The following ARHGAP10 variants were observed in gnomAD, a reference collection of about 807,000 sequenced individuals.
ARHGAP10 encodes the protein Rho GTPase activating protein 10.
In ARHGAP10, 87 loss-of-function variants were observed where a neutral mutation model predicts 108.6. The ratio of observed to expected loss-of-function variants is 0.80; its 90% CI spans 0.67 to 0.96. The LOEUF (loss-of-function observed/expected upper bound fraction) is 0.96. Ranked by LOEUF, ARHGAP10 falls within the 40% of genes least tolerant of loss-of-function variation. The pLI is 0.00. For missense variants in ARHGAP10, 939 were observed against 954.5 expected, an observed-to-expected ratio of 0.98 and a Z score of 0.21; for synonymous variants, 347 against 341.1, an observed-to-expected ratio of 1.02 and a Z score of -0.19.
At chr4:147,801,163 A>G (rs777166645) in intron 1 of ARHGAP10, among the ~76,000 whole-genome samples, 1 of 152,194 alleles carries the variant, frequency 6.6e-6, no homozygotes, top group Non-Finnish European at 1.5e-5. Context: ...AGCAAAATTT[A>G]GCATTTATTT....
At chr4:147,969,627 C>T (rs774927583) in intron 18 of ARHGAP10, among the ~76,000 whole-genome samples, 2 of 152,130 alleles carry the variant, frequency 1.3e-5, no homozygotes, top group Non-Finnish European at 2.9e-5. Flanking sequence ...GCTGCAACTG[C>T]CTGTTTTCTT....
chr4:147,831,322 T>A (rs1415385953), intron 3 of ARHGAP10, among the ~76,000 whole-genome samples: 1 of 152,254 alleles, frequency 6.6e-6, no homozygotes, highest in African/African-American at 2.4e-5. Flanking sequence ...TGGTTTGTGT[T>A]AATGGAATAG....
chr4:148,002,698 C>T (rs1467900439), intron 18 of ARHGAP10, among the ~76,000 whole-genome samples: 7 of 152,106 alleles, frequency 4.6e-5, no homozygotes, highest in East Asian at 1.9e-4. Context: ...AGTTTATTTG[C>T]GTAGAGGTGT....
intron 1 of ARHGAP10, among the ~76,000 whole-genome samples, chr4:147,761,238 A>G (rs925228027): frequency 1.3e-5 from 2 of 151,966 alleles, no homozygotes; most frequent in Admixed American, 1.3e-4. Flanking sequence ...TCTGGTCTTG[A>G]ACTCCTGGCC....
intron 20 of ARHGAP10, among the ~76,000 whole-genome samples, chr4:148,048,405 C>T (rs1240940311): frequency 6.6e-6 from 1 of 152,158 alleles, no homozygotes. Flanking sequence ...AACACATTCT[C>T]CAGATGAGAT....
rs187985014 is a variant in ARHGAP10 at position 148,014,359 on chromosome 4, G to C, written c.1717-8904G>C. On this transcript the variant is annotated intron_variant, in intron 18 of 22. Coordinates refer to ENST00000336498, the MANE Select transcript of ARHGAP10 (RefSeq NM_024605.4). The stretch of plus-strand genomic sequence containing the variant: ...ATGCTGTGTTTTCCAAATGTTTGCA[G>C]GTGCAAATTGATAAAACTGCACCTG... 4.8e-3 allele frequency among the ~76,000 whole-genome samples: 733 copies of C among 152,244 alleles called. 5 individuals are homozygous for C. The highest frequency in any genetic ancestry group is 8.2e-3 in the Admixed American group (126 of 15,296).
chr4:147,826,562 GCTTT>G (rs1732715572), intron 3 of ARHGAP10, among the ~76,000 whole-genome samples: 1 of 152,192 alleles, frequency 6.6e-6, no homozygotes, highest in Admixed American at 6.5e-5. Flanking sequence ...ACCTCCTAAT[GCTTT>G]CTTCCTTTTT....
chr4:147,850,270 C>T (rs950896149), intron 4 of ARHGAP10, among the ~76,000 whole-genome samples: 4 of 152,288 alleles, frequency 2.6e-5, no homozygotes, highest in Middle Eastern at 3.4e-3. Context: ...ATCAGCAGGC[C>T]GTGGACGGGG....
intron 1 of ARHGAP10, among the ~76,000 whole-genome samples, chr4:147,742,257 A>G (rs1269607031): frequency 6.6e-6 from 1 of 151,856 alleles, no homozygotes; most frequent in Non-Finnish European, 1.5e-5. Context: ...CAGTGCCTAC[A>G]TTTTTCTTTA....
At chr4:147,856,307 G>A (rs1579121733) in intron 4 of ARHGAP10, among the ~76,000 whole-genome samples, 1 of 152,172 alleles carries the variant, frequency 6.6e-6, no homozygotes, top group Non-Finnish European at 1.5e-5. Context: ...GTGAGTACTG[G>A]TATATCAATA....
Position 147,732,244 on chromosome 4 carries a change from G to A in ARHGAP10, c.-58G>A. On this transcript the variant is annotated 5_prime_UTR_variant, in exon 1 of 23. Transcript: ENST00000336498. ...GGCGCCGCACCTGGCAGCGGCCTCG[G>A]AGCTCGGCTCGGGCAGGAGCGCGCG... is the stretch of plus-strand genomic sequence containing the variant. The A allele has an allele frequency of 1.4e-6, 2 of 1,478,934 alleles. No homozygotes were observed. Among genetic ancestry groups the A allele is most frequent in the South Asian group, 1.4e-5 (1 of 72,934 alleles). The allele number at this position is 1,478,934 out of a possible 1,614,324, so 91.6% of individuals were successfully genotyped here. A position where few individuals can be genotyped will look rare whatever the true frequency, so the allele number is the denominator to read the frequency against.
At chr4:148,032,416 C>T (rs962097837) in intron 19 of ARHGAP10, among the ~76,000 whole-genome samples, 18 of 132,228 alleles carry the variant, frequency 1.4e-4, no homozygotes, top group African/African-American at 4.5e-4. Flanking sequence ...TCAAATCCTT[C>T]TAGAGTTGAG....
At chr4:147,749,244 A>G (rs1729049166) in intron 1 of ARHGAP10, among the ~76,000 whole-genome samples, 3 of 152,212 alleles carry the variant, frequency 2.0e-5, no homozygotes, top group African/African-American at 7.2e-5. Context: ...TTGTTGGCAC[A>G]GTGAGGTATC....
chr4:147,909,641 T>A (rs1225662967), intron 11 of ARHGAP10, 91 bp from the exon 12 acceptor site: 3 of 1,085,278 alleles, frequency 2.8e-6, no homozygotes, highest in Non-Finnish European at 4.1e-6. Context: ...TATAAAAATG[T>A]ATTTTTTTTT....
At chr4:147,997,260 T>G (rs1004280420) in intron 18 of ARHGAP10, among the ~76,000 whole-genome samples, 2 of 152,164 alleles carry the variant, frequency 1.3e-5, no homozygotes, top group African/African-American at 4.8e-5. Flanking sequence ...GAGGGAAAAA[T>G]GTAAACTGTA....
intron 12 of ARHGAP10, among the ~76,000 whole-genome samples, chr4:147,911,448 C>T (rs563927768): frequency 5.3e-5 from 8 of 152,264 alleles, no homozygotes; most frequent in African/African-American, 7.2e-5. Flanking sequence ...CTGCAAGCTC[C>T]GCCTCCCGGG....
intron 20 of ARHGAP10, among the ~76,000 whole-genome samples, chr4:148,052,529 A>C (rs1729192433): frequency 6.6e-6 from 1 of 152,010 alleles, no homozygotes; most frequent in African/African-American, 2.4e-5. Flanking sequence ...TCCCATTGCA[A>C]AAACTTCCTG....
intron 18 of ARHGAP10, among the ~76,000 whole-genome samples, chr4:148,001,073 T>A (rs1226911436): frequency 6.6e-6 from 1 of 152,232 alleles, no homozygotes; most frequent in Non-Finnish European, 1.5e-5. Context: ...CTTTAATCCA[T>A]CTTGAATTAA....
intron 4 of ARHGAP10, among the ~76,000 whole-genome samples, chr4:147,855,458 A>T (rs1734047206): frequency 6.6e-6 from 1 of 152,136 alleles, no homozygotes; most frequent in Non-Finnish European, 1.5e-5. Context: ...AATTAAAAAA[A>T]CCTAGAGCGT....
Sources: gnomAD v4.1 joint callset for allele counts (sites outside exome capture counted in the v4.1 genomes callset) on GRCh38, gnomAD v4.1.1 for gene constraint, MANE v1.5 for transcripts, NCBI Gene and HGNC (gene_info 2026-07-23, HGNC 2026-07-21) for gene names.